Variants in MYCBP2 observed in about 807,000 individuals in gnomAD.
The protein encoded by MYCBP2 is E3 ubiquitin-protein ligase MYCBP2.
Under a neutral mutation model 525.3 loss-of-function variants are expected in MYCBP2, and 120 were observed. The ratio of observed to expected loss-of-function variants is 0.23; its 90% CI spans 0.20 to 0.27. MYCBP2 has a LOEUF of 0.27. Among genes scored for constraint, MYCBP2 ranks in the 10% least tolerant of loss-of-function variants. MYCBP2 has a pLI of 1.00. For missense variants in MYCBP2, 4,149 were observed against 5,657.1 expected, an observed-to-expected ratio of 0.73 and a Z score of 8.55; for synonymous variants, 1,894 against 1,955.8, an observed-to-expected ratio of 0.97 and a Z score of 0.83.
At chr13:77,107,635 G>A (rs1473641409) in intron 55 of MYCBP2, among the ~76,000 whole-genome samples, 1 of 152,094 alleles carries the variant, frequency 6.6e-6, no homozygotes, top group Admixed American at 6.6e-5. Flanking sequence ...CTACTCAGGA[G>A]GCAGAGGTGG....
At position 77,076,719 on chromosome 13, in the gene MYCBP2, G is replaced by C. The variant is rs1309894786; in HGVS notation, c.11823+32C>G. ...TCACTGAAAAAAAGAATAAAAAAGG[G>C]AAATAAATATCTTTAGAATACAAAT... On this transcript the variant is annotated intron_variant, in intron 68 of 82. Coordinates refer to ENST00000544440, the MANE Select transcript of MYCBP2 (RefSeq NM_015057.5). 4.6e-6 allele frequency: 6 copies of C among 1,308,368 alleles called. No individual in the cohort carries two copies. The African/African-American group carries it at 9.0e-5, about 20-fold the overall frequency. The allele number at this position is 1,308,368 out of a possible 1,614,324, so 81.0% of individuals were successfully genotyped here. A position where few individuals can be genotyped will look rare whatever the true frequency, so the allele number is the denominator to read the frequency against.
At position 77,114,127 on chromosome 13, in the gene MYCBP2, G is replaced by C. The variant is rs934688402; in HGVS notation, c.8140+7246C>G. The stretch of plus-strand genomic sequence containing the variant: ...TATGCTAACATTCACACTAACATCT[G>C]AATGCAGTCTAAATACATTAAGAAT... On this transcript the variant is annotated intron_variant, in intron 55 of 82. Coordinates refer to ENST00000544440, the MANE Select transcript of MYCBP2 (RefSeq NM_015057.5). Among the ~76,000 whole-genome samples the C allele has an allele frequency of 7.2e-5, 11 of 152,228 alleles. No individual in the cohort carries two copies. In the East Asian group the frequency reaches 1.7e-3, roughly 24 times the overall value.
intron 10 of MYCBP2, among the ~76,000 whole-genome samples, 198 bp downstream of exon 10, chr13:77,263,453 A>G (rs2073629877): frequency 6.6e-6 from 1 of 152,052 alleles, no homozygotes; most frequent in Non-Finnish European, 1.5e-5. Context: ...TGGTCTTCAA[A>G]TATCATACTT....
intron 1 of MYCBP2, among the ~76,000 whole-genome samples, chr13:77,321,705 G>GC (rs1480751708): frequency 1.3e-5 from 2 of 152,190 alleles, no homozygotes; most frequent in East Asian, 3.8e-4. Flanking sequence ...AGCCTAGAAT[G>GC]CCATGCCTTT....
At chr13:77,177,149 A>G (rs970565133) in intron 35 of MYCBP2, among the ~76,000 whole-genome samples, 9 of 118,338 alleles carry the variant, frequency 7.6e-5, no homozygotes, top group African/African-American at 3.1e-4. Context: ...ATGACAATAT[A>G]AAAAAAAAAA....
intron 7 of MYCBP2, among the ~76,000 whole-genome samples, chr13:77,268,900 T>C (rs1259695365): frequency 6.6e-6 from 1 of 152,238 alleles, no homozygotes; most frequent in Non-Finnish European, 1.5e-5. Context: ...CTTTTATCAT[T>C]TGATCCTGAC....
intron 56 of MYCBP2, 84 bp from the exon 57 acceptor site, chr13:77,096,565 AT>A: frequency 7.1e-7 from 1 of 1,409,996 alleles, no homozygotes; most frequent in South Asian, 1.6e-5. Context: ...TTAATGACAG[AT>A]TTACCTTCTC....
intron 1 of MYCBP2, among the ~76,000 whole-genome samples, chr13:77,300,487 T>G (rs1238993719): frequency 6.6e-6 from 1 of 152,206 alleles, no homozygotes; most frequent in Non-Finnish European, 1.5e-5. Flanking sequence ...TTTAAAAATG[T>G]AAAAACCACT....
intron 18 of MYCBP2, among the ~76,000 whole-genome samples, chr13:77,229,371 G>A (rs1194213777): frequency 2.0e-5 from 3 of 152,044 alleles, no homozygotes; most frequent in Admixed American, 2.0e-4. Flanking sequence ...AAGGGTTAAG[G>A]GGTTAAGTAA....
chr13:77,183,067 T>C (rs1054788821), intron 32 of MYCBP2, among the ~76,000 whole-genome samples: 2 of 152,216 alleles, frequency 1.3e-5, no homozygotes, highest in African/African-American at 4.8e-5. Context: ...ATTACATCGA[T>C]TTTCAATTAT....
At chr13:77,193,776 T>C (rs975696892) in intron 27 of MYCBP2, among the ~76,000 whole-genome samples, 1 of 152,164 alleles carries the variant, frequency 6.6e-6, no homozygotes, top group Non-Finnish European at 1.5e-5. Flanking sequence ...TGGTCAAACA[T>C]GACCACTTGA....
In MYCBP2 at chr13:77,176,586, A is replaced by G; in HGVS notation, c.5383T>C (p.Ser1795Pro). 6.3e-7 allele frequency: 1 copy of G among 1,593,420 alleles called. No individual in the cohort carries two copies. Among genetic ancestry groups the G allele is most frequent in the Non-Finnish European group, 8.6e-7 (1 of 1,166,708 alleles). ...TACGTTCCTTTCACTAATTCCAGAG[A>G]TGTCCATCTGTGGGAATGAGTTGAA... ...GDSTHSHRWT[S>P]LELVKGTYTT... is the part of the protein sequence containing the mutation. The change falls in exon 36 of 83, where the codon TCT becomes CCT. Residue 1795 changes from serine to proline, a missense_variant. By Grantham distance (74) the Ser-to-Pro change is moderately conservative. Transcript: ENST00000544440.
At chr13:77,295,395 G>A (rs1424413208) in intron 2 of MYCBP2, among the ~76,000 whole-genome samples, 1 of 152,160 alleles carries the variant, frequency 6.6e-6, no homozygotes, top group Non-Finnish European at 1.5e-5. Context: ...GCCTCCCAAA[G>A]TGCGGGGATT....
Position 77,096,341 on chromosome 13 carries a change from G to A in MYCBP2, c.9925C>T (p.Arg3309Cys), listed in dbSNP as rs755813284. 8.7e-6 allele frequency: 14 copies of A among 1,612,872 alleles called. No individual in the cohort carries two copies. The highest frequency in any genetic ancestry group is 1.3e-5 in the African/African-American group (1 of 74,722). Residue 3309 changes from arginine to cysteine, a missense_variant, in exon 57 of 83, where the codon CGC (arginine) becomes TGC (cysteine). Coordinates refer to ENST00000544440, the MANE Select transcript of MYCBP2 (RefSeq NM_015057.5). ...VCDRCREKYL[R>C]EKQAAAREKV... ...TCCCTTGCAGCAGCCTGTTTTTCGC[G>A]GAGGTATTTTTCTCTACAGCGATCA...
chr13:77,064,526 G>A lies in MYCBP2; in HGVS notation c.12672+89C>T, dbSNP rs151226951. On this transcript the variant is annotated intron_variant, in intron 73 of 82. Transcript: ENST00000544440. ...TAAAAAATAATTATGTTGACTTAGT[G>A]ATTAAAATTTGTTTAAATCTATTAC... The A allele has an allele frequency of 4.3e-3, 5,808 of 1,342,734 alleles. 18 individuals are homozygous for A. The highest frequency in any genetic ancestry group is 5.0e-3 in the Non-Finnish European group (4,968 of 997,354). 83.2% of individuals were successfully genotyped at this position (1,342,734 alleles called of 1,614,324 possible). A position where few individuals can be genotyped will look rare whatever the true frequency, so the allele number is the denominator to read the frequency against.
rs772190765 is a variant in MYCBP2, at chr13:77,273,658, G to C, written c.759C>G (p.Phe253Leu). ...GAACGGTGATTTCCAAAAGAAGCTG[G>C]AAGAGAGACTCTGTGGATAAAATAG... is the stretch of plus-strand genomic sequence containing the variant. ...SEPPEVLESL[F>L]QLLLEITVRS... is the part of the protein sequence containing the mutation. The change falls in exon 5 of 83, where the codon TTC (phenylalanine) becomes TTG (leucine). Residue 253 changes from phenylalanine to leucine, a missense_variant. Phe to Leu is a conservative substitution (Grantham distance 22, BLOSUM62 0). Coordinates refer to ENST00000544440, the MANE Select transcript of MYCBP2 (RefSeq NM_015057.5). 1 of 1,536,406 alleles carries C rather than the reference G, an allele frequency of 6.5e-7. No homozygotes were observed. Among genetic ancestry groups the C allele is most frequent in the East Asian group, 2.3e-5 (1 of 43,058 alleles).
chr13:77,184,970 T>C (rs1382732039), intron 32 of MYCBP2, 133 bp downstream of exon 32: 6 of 884,054 alleles, frequency 6.8e-6, no homozygotes, highest in African/African-American at 5.1e-5. Flanking sequence ...CTTATATAAG[T>C]CATGTACACC....
At chr13:77,076,905 GC>G (rs2042403612) in intron 67 of MYCBP2, 56 bp from the exon 68 acceptor site, 2 of 1,336,124 alleles carry the variant, frequency 1.5e-6, no homozygotes, top group Non-Finnish European at 2.1e-6. Context: ...CACTATATTG[GC>G]CAGAGGACTC....
At chr13:77,162,845 C>T (rs376529609) in intron 43 of MYCBP2, among the ~76,000 whole-genome samples, 7 of 152,030 alleles carry the variant, frequency 4.6e-5, no homozygotes, top group East Asian at 1.9e-4. Flanking sequence ...TTAGTAGAGA[C>T]GGGGTTTCAC....
Sources: allele counts gnomAD v4.1 joint callset (sites outside exome capture counted in the v4.1 genomes callset), GRCh38; gene constraint gnomAD v4.1.1; transcripts MANE v1.5; gene names NCBI Gene and HGNC (gene_info 2026-07-23, HGNC 2026-07-21).